ARSB: variants seen among roughly 807,000 people sequenced by gnomAD.
ARSB encodes N-acetylgalactosamine-4-sulfatase.
A neutral mutation model predicts 50.9 loss-of-function variants in ARSB; 41 were observed. The ratio of observed to expected loss-of-function variants is 0.81; its 90% CI spans 0.63 to 1.04. The LOEUF (loss-of-function observed/expected upper bound fraction) is 1.04. Among genes scored for constraint, ARSB ranks in the 50% least tolerant of loss-of-function variants. The pLI is 0.00. For missense variants in ARSB, 672 were observed against 693.3 expected (o/e 0.97, Z 0.35); for synonymous variants, 269 against 284.8 (o/e 0.94, Z 0.56).
intron 6 of ARSB, among the ~76,000 whole-genome samples, chr5:78,795,040 G>T (rs1743129200): frequency 6.6e-6 from 1 of 152,048 alleles, no homozygotes; most frequent in African/African-American, 2.4e-5. Context: ...AGATTTTTTT[G>T]GGAGAATTAA....
At chr5:78,940,387 T>G (rs958519058) in intron 4 of ARSB, among the ~76,000 whole-genome samples, 1 of 152,172 alleles carries the variant, frequency 6.6e-6, no homozygotes, top group African/African-American at 2.4e-5. Flanking sequence ...ATTGCCTACG[T>G]TTTTTTCTTC....
chr5:78,976,475 T>C (rs554789852), intron 1 of ARSB, among the ~76,000 whole-genome samples: 93 of 151,908 alleles, frequency 6.1e-4, no homozygotes, highest in Admixed American at 2.1e-3. Flanking sequence ...ACCACCACAC[T>C]TGGTTAATTT....
intron 5 of ARSB, among the ~76,000 whole-genome samples, chr5:78,866,160 C>T (rs1270511513): frequency 1.3e-5 from 2 of 152,180 alleles, no homozygotes; most frequent in African/African-American, 4.8e-5. Flanking sequence ...ATACCCAAGA[C>T]TGGGTAATTT....
At chr5:78,961,534 C>T (rs757765196) in intron 3 of ARSB, among the ~76,000 whole-genome samples, 20 of 152,138 alleles carry the variant, frequency 1.3e-4, no homozygotes, top group Admixed American at 5.9e-4. Flanking sequence ...TTTAGGGCCT[C>T]CTATTGTCCT....
At chr5:78,789,070 A>G (rs922367196) in intron 6 of ARSB, among the ~76,000 whole-genome samples, 1 of 152,250 alleles carries the variant, frequency 6.6e-6, no homozygotes, top group African/African-American at 2.4e-5. Context: ...ATGAAAGGCA[A>G]TCCTACTCTC....
chr5:78,841,165 C>A (rs2197002), intron 5 of ARSB, among the ~76,000 whole-genome samples: 26,867 of 97,110 alleles, frequency 0.28, 2,517 homozygotes, highest in Middle Eastern at 0.3. Context: ...ACTACTACTA[C>A]TACTAATAAT....
chr5:78,968,092 T>C (rs971074397), intron 2 of ARSB, among the ~76,000 whole-genome samples: 7 of 152,062 alleles, frequency 4.6e-5, no homozygotes, highest in Non-Finnish European at 8.8e-5. Context: ...TTATTTCTTA[T>C]TATCCTTCTT....
rs149974189 is a variant in ARSB at position 78,951,303 on chromosome 5, T to C, written c.898+3992A>G. Among the ~76,000 whole-genome samples the C allele has an allele frequency of 4.8e-3, 730 of 152,220 alleles. 1 individual carries two copies. The highest frequency in any genetic ancestry group is 6.4e-3 in the Non-Finnish European group (438 of 68,016). On this transcript the variant is annotated intron_variant, in intron 4 of 7. Transcript: ENST00000264914. ...CCATTTACTATCTCACAGGGTTACA[T>C]TGAGGTTTAATGCTACTAAATACTA...
intron 4 of ARSB, among the ~76,000 whole-genome samples, chr5:78,933,672 T>G (rs1750446860): frequency 6.6e-6 from 1 of 152,032 alleles, no homozygotes; most frequent in African/African-American, 2.4e-5. Flanking sequence ...TGGGAGGTGA[T>G]CAGAAAGAAT....
At chr5:78,975,016 CCCT>C (rs747442524) in intron 1 of ARSB, among the ~76,000 whole-genome samples, 2 of 152,218 alleles carry the variant, frequency 1.3e-5, no homozygotes, top group African/African-American at 4.8e-5. Flanking sequence ...TCTGACAGCT[CCCT>C]CCTCCTGTGC....
At chr5:78,859,343 A>G (rs1746313147) in intron 5 of ARSB, among the ~76,000 whole-genome samples, 1 of 144,688 alleles carries the variant, frequency 6.9e-6, no homozygotes, top group South Asian at 2.6e-4. Flanking sequence ...TAGTCTAGAG[A>G]AAAAAGTAAT....
At chr5:78,951,858 G>A (rs1045295790) in intron 4 of ARSB, among the ~76,000 whole-genome samples, 5 of 152,214 alleles carry the variant, frequency 3.3e-5, no homozygotes, top group Admixed American at 6.5e-5. Flanking sequence ...AGAAAAAGAT[G>A]GCAAAACTAA....
At chr5:78,855,169 A>C (rs182434713) in intron 5 of ARSB, among the ~76,000 whole-genome samples, 2 of 152,318 alleles carry the variant, frequency 1.3e-5, no homozygotes, top group East Asian at 3.9e-4. Flanking sequence ...CCATGTCAGC[A>C]CAGCCCTGGG....
At chr5:78,928,934 T>C (rs1001116514) in intron 4 of ARSB, among the ~76,000 whole-genome samples, 1 of 152,142 alleles carries the variant, frequency 6.6e-6, no homozygotes, top group Non-Finnish European at 1.5e-5. Context: ...CTAGTCAACA[T>C]GCTCAGAACA....
At chr5:78,951,002 A>G (rs576040531) in intron 4 of ARSB, among the ~76,000 whole-genome samples, 4 of 152,292 alleles carry the variant, frequency 2.6e-5, no homozygotes, top group African/African-American at 9.6e-5. Context: ...CAAAAAGACA[A>G]CTGATTAGGT....
chr5:78,858,880 A>G (rs1581052678), intron 5 of ARSB, among the ~76,000 whole-genome samples: 1 of 152,242 alleles, frequency 6.6e-6, no homozygotes, highest in African/African-American at 2.4e-5. Context: ...CTCTCACTAA[A>G]TCCTCACATA....
intron 4 of ARSB, among the ~76,000 whole-genome samples, chr5:78,943,044 T>G (rs1213110746): frequency 1.3e-5 from 2 of 152,226 alleles, no homozygotes; most frequent in Admixed American, 1.3e-4. Flanking sequence ...ATGGCCTTCT[T>G]TGTCTCCTTT....
At chr5:78,859,744 A>T (rs368347130) in intron 5 of ARSB, among the ~76,000 whole-genome samples, 1 of 152,028 alleles carries the variant, frequency 6.6e-6, no homozygotes, top group Non-Finnish European at 1.5e-5. Flanking sequence ...ATGATCTTCC[A>T]TGAACTGTCC....
At chr5:78,808,606 T>A (rs113826960) in intron 6 of ARSB, among the ~76,000 whole-genome samples, 63 of 152,058 alleles carry the variant, frequency 4.1e-4, no homozygotes, top group African/African-American at 1.4e-3. Flanking sequence ...CTGGGTGGAG[T>A]GAGATTCAGT....
Sources: gnomAD v4.1 joint callset for allele counts (sites outside exome capture counted in the v4.1 genomes callset) on GRCh38, gnomAD v4.1.1 for gene constraint, MANE v1.5 for transcripts, NCBI Gene and HGNC (gene_info 2026-07-23, HGNC 2026-07-21) for gene names.